ADAM12: variants seen among roughly 807,000 people sequenced by gnomAD.
ADAM12 encodes the protein disintegrin and metalloproteinase domain-containing protein 12.
A neutral mutation model predicts 106.4 loss-of-function variants in ADAM12; 70 were observed. The ratio of observed to expected loss-of-function variants is 0.66; its 90% CI spans 0.54 to 0.80. ADAM12 has a LOEUF of 0.80. Ranked by LOEUF, ADAM12 falls within the 30% of genes least tolerant of loss-of-function variation. The pLI, the probability that ADAM12 is intolerant of heterozygous loss-of-function variation, is 0.00. For missense variants in ADAM12, 1,010 were observed against 1,171.9 expected, an observed-to-expected ratio of 0.86 and a Z score of 2.02; for synonymous variants, 420 against 433.5, an observed-to-expected ratio of 0.97 and a Z score of 0.39.
intron 4 of ADAM12, among the ~76,000 whole-genome samples, chr10:126,136,768 A>G (rs1956412744): frequency 6.6e-6 from 1 of 152,204 alleles, no homozygotes; most frequent in Admixed American, 6.5e-5. Flanking sequence ...TTCTCAGATC[A>G]TCTAAAAGGC....
intron 3 of ADAM12, among the ~76,000 whole-genome samples, chr10:126,174,128 C>G (rs1476460805): frequency 6.7e-6 from 1 of 150,358 alleles, no homozygotes; most frequent in South Asian, 2.1e-4. Context: ...CCTGCCTCAG[C>G]CTCCTGAGTA....
At chr10:126,051,563 A>G (rs1422069388) in intron 14 of ADAM12, among the ~76,000 whole-genome samples, 31 of 139,282 alleles carry the variant, frequency 2.2e-4, no homozygotes, top group African/African-American at 8.3e-4. Context: ...CCATCCATCC[A>G]TCCATCCATC....
intron 1 of ADAM12, among the ~76,000 whole-genome samples, chr10:126,338,474 G>A (rs916129297): frequency 1.5e-4 from 23 of 151,580 alleles, no homozygotes; most frequent in African/African-American, 5.1e-4. Flanking sequence ...GGATGGTCTC[G>A]ATCTCCTGAC....
intron 11 of ADAM12, among the ~76,000 whole-genome samples, chr10:126,086,763 C>T (rs746194953): frequency 5.3e-5 from 7 of 130,910 alleles, no homozygotes; most frequent in Admixed American, 2.5e-4. Flanking sequence ...GGGCCAGGTG[C>T]GTGGCTCACA....
chr10:126,147,307 G>A (rs1382946012), intron 4 of ADAM12, among the ~76,000 whole-genome samples: 2 of 152,114 alleles, frequency 1.3e-5, no homozygotes, highest in African/African-American at 2.4e-5. Flanking sequence ...TGGGCTTCAG[G>A]CTGTTCCACA....
intron 3 of ADAM12, among the ~76,000 whole-genome samples, chr10:126,212,106 T>A (rs1322567164): frequency 6.6e-6 from 1 of 152,250 alleles, no homozygotes; most frequent in Non-Finnish European, 1.5e-5. Context: ...CTCACCAGCC[T>A]GGCTGTACAT....
chr10:126,351,471 T>C (rs1296376133), intron 1 of ADAM12, among the ~76,000 whole-genome samples: 1 of 152,158 alleles, frequency 6.6e-6, no homozygotes, highest in Non-Finnish European at 1.5e-5. Flanking sequence ...GTGCTGGATT[T>C]CCCTGCCTGA....
chr10:126,363,756 C>A (rs1855816131), intron 1 of ADAM12, among the ~76,000 whole-genome samples: 1 of 152,164 alleles, frequency 6.6e-6, no homozygotes, highest in African/African-American at 2.4e-5. Context: ...TGGCAGCAAG[C>A]CTAACGGAGA....
At position 126,266,375 on chromosome 10, in the gene ADAM12, A is replaced by T. The variant is rs77978908; in HGVS notation, c.260+12540T>A. ...GACCATCAAAATGAAGGAGGAAGAG[A>T]AAGATGGGTGAGGAAAGCAGGAATA... On this transcript the variant is annotated intron_variant, in intron 3 of 22. Transcript: ENST00000448723. Among the ~76,000 whole-genome samples the T allele has an allele frequency of 9.1e-3, 1,387 of 152,232 alleles. 30 individuals carry two copies. In the East Asian group the frequency reaches 0.11, roughly 12 times the overall value.
At chr10:126,118,722 C>T (rs1045506525) in intron 5 of ADAM12, among the ~76,000 whole-genome samples, 14 of 152,144 alleles carry the variant, frequency 9.2e-5, no homozygotes, top group African/African-American at 1.4e-4. Flanking sequence ...GAGTAGTGTA[C>T]GTTGTACCCC....
chr10:126,378,068 A>C (rs1263122319), intron 1 of ADAM12, among the ~76,000 whole-genome samples: 2 of 152,218 alleles, frequency 1.3e-5, no homozygotes, highest in African/African-American at 4.8e-5. Flanking sequence ...AGAATCTTAG[A>C]GTCTTTAGTA....
At chr10:126,060,767 A>G (rs1954737251) in intron 14 of ADAM12, among the ~76,000 whole-genome samples, 3 of 152,184 alleles carry the variant, frequency 2.0e-5, no homozygotes, top group African/African-American at 7.2e-5. Context: ...GGATATTGTG[A>G]AGGATTCACA....
chr10:126,178,934 C>A (rs12245167), intron 3 of ADAM12, among the ~76,000 whole-genome samples: 21,512 of 152,050 alleles, frequency 0.14, 1,681 homozygotes, highest in East Asian at 0.34. Context: ...ATAACCCCAG[C>A]TACTCGAGAG....
chr10:126,323,924 T>C (rs1262233775), intron 2 of ADAM12, among the ~76,000 whole-genome samples: 1 of 152,076 alleles, frequency 6.6e-6, no homozygotes, highest in Non-Finnish European at 1.5e-5. Context: ...ATTTTAGGGG[T>C]TGCGCTATTT....
chr10:126,232,421 A>G (rs1958330012), intron 3 of ADAM12, among the ~76,000 whole-genome samples: 1 of 152,216 alleles, frequency 6.6e-6, no homozygotes, highest in South Asian at 2.1e-4. Flanking sequence ...TCCTAGTGAG[A>G]CACTAGGATT....
At chr10:126,269,616 T>G (rs72828716) in intron 3 of ADAM12, among the ~76,000 whole-genome samples, 9,446 of 152,168 alleles carry the variant, frequency 0.062, 394 homozygotes, top group Admixed American at 0.13. Context: ...TCTCCACTGC[T>G]AGAGACCTCC....
At chr10:126,233,859 T>G (rs897798735) in intron 3 of ADAM12, among the ~76,000 whole-genome samples, 4 of 152,204 alleles carry the variant, frequency 2.6e-5, no homozygotes, top group Non-Finnish European at 4.4e-5. Context: ...GTGTTTACAT[T>G]GCACTTGGTA....
Position 126,094,448 on chromosome 10 carries a change from ACT to A in ADAM12, c.997-317_997-316del, listed in dbSNP as rs541647858. Reference sequence around the variant, plus strand: ...CTGCTTCCTACAATTGCCCCACAAAACTCTTCCATTGAATGAAGCAAAAAGTC... The same window carrying A: ...CTGCTTCCTACAATTGCCCCACAAAACTTCCATTGAATGAAGCAAAAAGTC... On this transcript the variant is annotated intron_variant, in intron 10 of 22. Coordinates refer to ENST00000448723, the MANE Select transcript of ADAM12 (RefSeq NM_001288973.2). 2.8e-4 allele frequency among the ~76,000 whole-genome samples: 42 copies of A among 152,132 alleles called. No homozygotes were observed. The South Asian group carries it at 8.3e-3, about 30-fold the overall frequency.
chr10:126,236,726 G>A (rs1303383730), intron 3 of ADAM12, among the ~76,000 whole-genome samples: 1 of 151,932 alleles, frequency 6.6e-6, no homozygotes, highest in African/African-American at 2.4e-5. Flanking sequence ...GCAGGAAGGA[G>A]TACTCACAGG....
Sources: gnomAD v4.1 joint callset for allele counts (sites outside exome capture counted in the v4.1 genomes callset) on GRCh38, gnomAD v4.1.1 for gene constraint, MANE v1.5 for transcripts, NCBI Gene and HGNC (gene_info 2026-07-23, HGNC 2026-07-21) for gene names.